The following CPNE7 variants were observed in gnomAD, a reference collection of about 807,000 sequenced individuals.
CPNE7 encodes copine 7.
Under a neutral mutation model 66.5 loss-of-function variants are expected in CPNE7, and 78 were observed. The observed-to-expected ratio is 1.17, with a 90% confidence interval of 0.98 to 1.42. The LOEUF (loss-of-function observed/expected upper bound fraction) is 1.42. Ranked by LOEUF, CPNE7 falls within the 40% of genes most tolerant of loss-of-function variation. The pLI is 0.00. For missense variants in CPNE7, 1,012 were observed against 776.6 expected (o/e 1.30, Z -3.60); for synonymous variants, 468 against 336.7 (o/e 1.39, Z -4.27).
intron 7 of CPNE7, among the ~76,000 whole-genome samples, chr16:89,586,403 T>A (rs2059038756): frequency 6.7e-6 from 1 of 149,756 alleles, no homozygotes; most frequent in Non-Finnish European, 1.5e-5. Flanking sequence ...GAGGCCACCC[T>A]GGGCCCTGCT....
intron 10 of CPNE7, among the ~76,000 whole-genome samples, chr16:89,589,245 T>A (rs1205657794): frequency 1.3e-5 from 2 of 152,020 alleles, no homozygotes; most frequent in African/African-American, 4.8e-5. Context: ...TGAGTCAAGA[T>A]CACACCTTTG....
chr16:89,596,153 A>T (rs1203367821), intron 14 of CPNE7, among the ~76,000 whole-genome samples: 1 of 152,276 alleles, frequency 6.6e-6, no homozygotes, highest in Non-Finnish European at 1.5e-5. Flanking sequence ...TGCATATTAC[A>T]GACACATGAA....
chr16:89,595,378 C>A lies in CPNE7; in HGVS notation c.1314C>A (p.Ile438=), dbSNP rs1001890446. 15 of 1,575,162 alleles carry A rather than the reference C, an allele frequency of 9.5e-6. No homozygotes were observed. The highest frequency in any genetic ancestry group is 6.9e-5 in the Admixed American group (4 of 57,958). The change falls in exon 14 of 15, where the codon ATC becomes ATA. Residue 438 remains isoleucine (I), a synonymous_variant. Coordinates refer to ENST00000319518, the MANE Select transcript of CPNE7 (RefSeq NM_153636.3). The part of the protein sequence containing the change: ...ESTGKASQYY[I]LLILTDGVVT... Reference sequence around the variant, plus strand: ...TCCTGTGCCCCCAGCAATACTACATCCTGCTGATCCTGACGGACGGCGTGG... The same window carrying A: ...TCCTGTGCCCCCAGCAATACTACATACTGCTGATCCTGACGGACGGCGTGG...
In CPNE7 at chr16:89,577,588, A is replaced by G. The variant is rs1361530041; in HGVS notation, c.224A>G (p.Lys75Arg). ...AGCAGCCTGCATCCCGTGTTCTCCA[A>G]GGTCTTCACGGTGGACTACTACTTC... ...VRSSLHPVFSKVFTVDYYFEE... is the reference protein window; with the variant it reads ...VRSSLHPVFSRVFTVDYYFEE... The change falls in exon 2 of 15, where the codon AAG becomes AGG. Residue 75 changes from lysine to arginine, a missense_variant. Transcript: ENST00000319518. 3.9e-6 allele frequency: 6 copies of G among 1,554,404 alleles called. No individual in the cohort carries two copies. The Admixed American group carries it at 5.9e-5, about 15-fold the overall frequency.
At chr16:89,590,595 T>G (rs544973349) in intron 11 of CPNE7, among the ~76,000 whole-genome samples, 35 of 151,572 alleles carry the variant, frequency 2.3e-4, no homozygotes, top group African/African-American at 8.2e-4. Flanking sequence ...TGGGGATTTA[T>G]TGGCTAATGT....
In CPNE7 at chr16:89,590,915, CT is replaced by C. The variant is rs1477945805; in HGVS notation, c.1117-91del. ...AGCAGCTGACTGGGGGACATGGGGG[CT>C]GGGGACGGGGGGAGCAGCTGACCGA... On this transcript the variant is annotated intron_variant, in intron 11 of 14. Transcript: ENST00000319518. 33 of 1,192,566 alleles carry C rather than the reference CT, an allele frequency of 2.8e-5. No individual in the cohort carries two copies. In the East Asian group the frequency reaches 8.8e-4, roughly 32 times the overall value. The allele number at this position is 1,192,566 out of a possible 1,614,324, so 73.9% of individuals were successfully genotyped here.
chr16:89,591,155 G>C lies in CPNE7; in HGVS notation c.1197G>C (p.Gln399His). 1.2e-6 allele frequency: 2 copies of C among 1,609,708 alleles called. No homozygotes were observed. Among genetic ancestry groups the C allele is most frequent in the Non-Finnish European group, 8.5e-7 (1 of 1,178,368 alleles). ...EGIQGVVEAY[Q>H]NCLPRVQLYG... ...TCCAGGGCGTGGTGGAGGCCTACCA[G>C]AACTGCCTGCCCAGGGTCCAGCTCT... Residue 399 changes from glutamine to histidine, a missense_variant, in exon 13 of 15, where the codon CAG (glutamine) becomes CAC (histidine). Gln to His is a conservative substitution (Grantham distance 24). Transcript: ENST00000319518.
At chr16:89,581,840 C>T (rs2058963257) in intron 2 of CPNE7, among the ~76,000 whole-genome samples, 1 of 152,150 alleles carries the variant, frequency 6.6e-6, no homozygotes, top group Non-Finnish European at 1.5e-5. Flanking sequence ...AGACAGGGGT[C>T]TCACCATGTT....
At chr16:89,586,035 AG>A (rs2059033141) in intron 7 of CPNE7, among the ~76,000 whole-genome samples, 2 of 18,790 alleles carry the variant, frequency 1.1e-4, no homozygotes, top group South Asian at 1.6e-3. Flanking sequence ...TAGCAGGGGG[AG>A]GGGGCATTCA....
At chr16:89,590,221 A>G (rs913047067) in intron 11 of CPNE7, among the ~76,000 whole-genome samples, 10 of 152,170 alleles carry the variant, frequency 6.6e-5, no homozygotes, top group Non-Finnish European at 1.5e-4. Context: ...CCTCTATTGC[A>G]CATAACAATT....
intron 11 of CPNE7, 105 bp downstream of exon 11, chr16:89,590,056 G>C: frequency 1.5e-6 from 2 of 1,293,472 alleles, no homozygotes; most frequent in Non-Finnish European, 2.2e-6. Flanking sequence ...CTGGGAACCG[G>C]AGACTGTAGG....
rs375895465 is a variant in CPNE7 at position 89,589,969 on chromosome 16, C to A, written c.1116+18C>A. 6.0e-5 allele frequency: 97 copies of A among 1,613,300 alleles called. 1 individual carries two copies. The South Asian group carries it at 9.8e-4, about 16-fold the overall frequency. ...AGTATGAGGTAGGAGAGCCCAGAAC[C>A]TGAGACCTCAGAGCTGTGCCCTTCT... On this transcript the variant is annotated intron_variant, in intron 11 of 14. Coordinates refer to ENST00000319518, the MANE Select transcript of CPNE7 (RefSeq NM_153636.3).
chr16:89,595,756 C>G (rs2059245202), intron 14 of CPNE7, 153 bp downstream of exon 14: 1 of 773,094 alleles, frequency 1.3e-6, no homozygotes, highest in South Asian at 1.4e-5. Context: ...CAGTCAAGAG[C>G]AGTATCTGAA....
At chr16:89,581,097 C>T (rs953193789) in intron 2 of CPNE7, among the ~76,000 whole-genome samples, 20 of 150,164 alleles carry the variant, frequency 1.3e-4, no homozygotes, top group Non-Finnish European at 2.5e-4. Context: ...TCCCATCACC[C>T]GTCACATGGA....
chr16:89,578,432 C>T (rs766960952), intron 2 of CPNE7, among the ~76,000 whole-genome samples: 24 of 152,250 alleles, frequency 1.6e-4, no homozygotes, highest in Middle Eastern at 3.4e-3. Context: ...TTCACTTCCA[C>T]GACGTGCAGC....
At position 89,595,532 on chromosome 16, in the gene CPNE7, C is replaced by T. The variant is rs140352806; in HGVS notation, c.1468C>T (p.Leu490=). 3.4e-4 allele frequency: 543 copies of T among 1,612,598 alleles called. No individual in the cohort carries two copies. Among genetic ancestry groups the T allele is most frequent in the East Asian group, 3.1e-3 (138 of 44,880 alleles). The change falls in exon 14 of 15, where the codon CTG becomes TTG. Residue 490 remains leucine (L), a synonymous_variant. Transcript: ENST00000319518. The part of the protein sequence containing the change: ...MQVLDGDDGV[L]RSPRGEPALR... ...GGTCCTGGACGGCGACGACGGCGTC[C>T]TGCGCTCCCCACGGGGTGAGCCCGC...
chr16:89,595,840 G>A, intron 14 of CPNE7: 1 of 659,362 alleles, frequency 1.5e-6, no homozygotes, highest in Non-Finnish European at 2.8e-6. Context: ...GCAGAGAACA[G>A]CACAAGGGGC....
chr16:89,584,944 G>GGCTGGGAGCT lies in CPNE7; in HGVS notation c.591+87_591+88insGCTGGGAGCT. Reference sequence around the variant, plus strand: ...TCTGGCCACATGGGAGGAGCTCCCAGCCTCCAACAGGGAGCTGTGGGCGCA... The same window carrying GGCTGGGAGCT: ...TCTGGCCACATGGGAGGAGCTCCCAGGCTGGGAGCTCCTCCAACAGGGAGCTGTGGGCGCA... On this transcript the variant is annotated intron_variant, in intron 5 of 14. Transcript: ENST00000319518. This position sits in a 1 kb window ranked among gnomAD's most constrained non-coding sequence, Gnocchi z 6.0. 8.4e-7 allele frequency: 1 copy of GGCTGGGAGCT among 1,188,770 alleles called. No individual in the cohort carries two copies. The highest frequency in any genetic ancestry group is 1.2e-6 in the Non-Finnish European group (1 of 812,006). 73.6% of individuals were successfully genotyped at this position (1,188,770 alleles called of 1,614,324 possible). A position where few individuals can be genotyped will look rare whatever the true frequency, so the allele number is the denominator to read the frequency against.
intron 2 of CPNE7, chr16:89,583,350 G>C (rs1259574174): frequency 8.2e-7 from 1 of 1,219,084 alleles, no homozygotes; most frequent in Non-Finnish European, 1.2e-6. Flanking sequence ...TACCTGTGGA[G>C]GGGCGTCCGC....
Sources: allele counts gnomAD v4.1 joint callset (sites outside exome capture counted in the v4.1 genomes callset), GRCh38; gene constraint gnomAD v4.1.1; non-coding constraint Gnocchi (gnomAD v3.1); transcripts MANE v1.5; gene names NCBI Gene and HGNC (gene_info 2026-07-23, HGNC 2026-07-21).